CCDC170: variants seen among roughly 807,000 people sequenced by gnomAD.
The protein encoded by CCDC170 is coiled-coil domain-containing protein 170.
In CCDC170, 69 loss-of-function variants were observed where a neutral mutation model predicts 72.6. That is an observed-to-expected ratio of 0.95 (90% confidence interval 0.78 to 1.16). The LOEUF is 1.16. Among genes scored for constraint, CCDC170 ranks in the 50% most tolerant of loss-of-function variants. The probability of loss-of-function intolerance (pLI) is 0.00; values close to 1 mark genes in which losing one functional copy is unlikely to be tolerated. For missense variants in CCDC170, 852 were observed against 832.5 expected (o/e 1.02, Z -0.29); for synonymous variants, 300 against 303.9 (o/e 0.99, Z 0.13).
intron 1 of CCDC170, among the ~76,000 whole-genome samples, chr6:151,524,986 G>A (rs1165787045): frequency 7.1e-6 from 1 of 141,012 alleles, no homozygotes; most frequent in Non-Finnish European, 1.5e-5. Flanking sequence ...AGGCTGGAGT[G>A]CAGTGGTGCA....
chr6:151,546,701 C>T (rs1473990854), intron 4 of CCDC170, among the ~76,000 whole-genome samples: 1 of 152,208 alleles, frequency 6.6e-6, no homozygotes, highest in Non-Finnish European at 1.5e-5. Flanking sequence ...AGTCTGCTTA[C>T]TCTGCTTTGC....
At chr6:151,537,970 C>T (rs1424605304) in intron 2 of CCDC170, 75 bp from the exon 3 acceptor site, 1 of 1,389,826 alleles carries the variant, frequency 7.2e-7, no homozygotes, top group Non-Finnish European at 9.8e-7. Context: ...TAAATGATGG[C>T]TTTGGGTTTC....
intron 1 of CCDC170, among the ~76,000 whole-genome samples, chr6:151,533,338 G>A (rs1436279734): frequency 2.0e-5 from 3 of 151,788 alleles, no homozygotes; most frequent in Non-Finnish European, 4.4e-5. Context: ...ACAGGTGTGA[G>A]CCGCCGCACC....
intron 9 of CCDC170, among the ~76,000 whole-genome samples, chr6:151,609,720 C>CT (rs1266655521): frequency 6.6e-6 from 1 of 152,182 alleles, no homozygotes; most frequent in Non-Finnish European, 1.5e-5. Context: ...GACTTAGTCC[C>CT]ATTCCACTCT....
At chr6:151,528,817 A>G (rs1015229492) in intron 1 of CCDC170, among the ~76,000 whole-genome samples, 6 of 152,246 alleles carry the variant, frequency 3.9e-5, no homozygotes, top group African/African-American at 1.2e-4. Context: ...CAGCCTGGAC[A>G]ACAGAGTAAG....
intron 10 of CCDC170, 52 bp downstream of exon 10, chr6:151,615,731 C>A: frequency 7.8e-7 from 1 of 1,285,992 alleles, no homozygotes; most frequent in South Asian, 1.3e-5. Context: ...CAGGACAATT[C>A]AAGAGCTTGA....
chr6:151,616,641 G>A (rs1303685508), intron 10 of CCDC170, among the ~76,000 whole-genome samples: 4 of 152,094 alleles, frequency 2.6e-5, no homozygotes, highest in Non-Finnish European at 5.9e-5. Flanking sequence ...AGACTAGGTC[G>A]GTGTCTTAGT....
chr6:151,575,912 G>A lies in CCDC170; in HGVS notation c.1092+2421G>A, dbSNP rs561663613. Among the ~76,000 whole-genome samples the A allele has an allele frequency of 1.4e-3, 218 of 152,216 alleles. 2 individuals carry two copies. The highest frequency in any genetic ancestry group is 5.0e-3 in the African/African-American group (209 of 41,538). On this transcript the variant is annotated intron_variant, in intron 6 of 10. Transcript: ENST00000239374. ...TCCACTCTAATGTGTAGAGGTCTCT[G>A]CGAGTAACTTAGTTTTTCTTGTGAC...
intron 9 of CCDC170, among the ~76,000 whole-genome samples, chr6:151,612,913 G>T (rs1019244244): frequency 1.3e-5 from 2 of 151,456 alleles, no homozygotes; most frequent in African/African-American, 4.9e-5. Context: ...TACCTCAATT[G>T]TCAGGAAGCG....
intron 9 of CCDC170, 93 bp downstream of exon 9, chr6:151,596,670 A>C: frequency 6.6e-7 from 1 of 1,506,656 alleles, no homozygotes; most frequent in Non-Finnish European, 8.9e-7. Flanking sequence ...ACACGCCAGA[A>C]GAAGAAAGAT....
intron 3 of CCDC170, among the ~76,000 whole-genome samples, chr6:151,538,609 C>A (rs551638573): frequency 3.3e-5 from 5 of 152,292 alleles, no homozygotes; most frequent in Middle Eastern, 6.8e-3. Flanking sequence ...TAACCCTGAG[C>A]TTGTGGGGTA....
intron 7 of CCDC170, among the ~76,000 whole-genome samples, chr6:151,587,158 A>G (rs1776463678): frequency 6.6e-6 from 1 of 152,110 alleles, no homozygotes; most frequent in South Asian, 2.1e-4. Context: ...TCTCGGAAAC[A>G]ATGGCACTGA....
intron 1 of CCDC170, among the ~76,000 whole-genome samples, chr6:151,530,426 T>C (rs1257625598): frequency 2.0e-5 from 3 of 149,886 alleles, no homozygotes; most frequent in African/African-American, 7.3e-5. Context: ...ATATGATTAA[T>C]AATGATAATA....
At chr6:151,546,654 C>T (rs1277191754) in intron 4 of CCDC170, among the ~76,000 whole-genome samples, 1 of 152,098 alleles carries the variant, frequency 6.6e-6, no homozygotes, top group East Asian at 1.9e-4. Flanking sequence ...GCCCCTACAC[C>T]CCAAGAGCCA....
chr6:151,525,844 G>A (rs1002259156), intron 1 of CCDC170, among the ~76,000 whole-genome samples: 1 of 152,082 alleles, frequency 6.6e-6, no homozygotes. Flanking sequence ...TAGGACTGTG[G>A]GTCACAGGGT....
intron 1 of CCDC170, among the ~76,000 whole-genome samples, chr6:151,505,245 T>G (rs980215901): frequency 6.6e-6 from 1 of 152,136 alleles, no homozygotes; most frequent in African/African-American, 2.4e-5. Flanking sequence ...GGAGTGTTTA[T>G]GCCCACCAAG....
intron 1 of CCDC170, among the ~76,000 whole-genome samples, chr6:151,499,665 G>A (rs1562820324): frequency 6.6e-6 from 1 of 151,996 alleles, no homozygotes; most frequent in Non-Finnish European, 1.5e-5. Flanking sequence ...ACTATTCTAC[G>A]CACTCTCTCT....
At chr6:151,500,915 C>A (rs1361378956) in intron 1 of CCDC170, among the ~76,000 whole-genome samples, 1 of 151,948 alleles carries the variant, frequency 6.6e-6, no homozygotes, top group Non-Finnish European at 1.5e-5. Flanking sequence ...GCTAAAAGTG[C>A]TAAAATGCAA....
rs570364942 is a variant in CCDC170, at chr6:151,574,004, G to A, written c.1092+513G>A. ...TAGGCCTGTAACCCCAGTCCATTTGGAGGCCAATGTAGTCACTTGAGGCCA... is the reference window on the plus strand; with the variant it reads ...TAGGCCTGTAACCCCAGTCCATTTGAAGGCCAATGTAGTCACTTGAGGCCA... On this transcript the variant is annotated intron_variant, in intron 6 of 10. Transcript: ENST00000239374. Among the ~76,000 whole-genome samples, 23 of 152,314 alleles carry A rather than the reference G, an allele frequency of 1.5e-4. No individual in the cohort carries two copies. In the East Asian group the frequency reaches 4.1e-3, roughly 27 times the overall value.
Sources: gnomAD v4.1 joint callset for allele counts (sites outside exome capture counted in the v4.1 genomes callset) on GRCh38, gnomAD v4.1.1 for gene constraint, MANE v1.5 for transcripts, NCBI Gene and HGNC (gene_info 2026-07-23, HGNC 2026-07-21) for gene names.